Variants in SH3RF3 observed in about 807,000 individuals in gnomAD.
The protein encoded by SH3RF3 is E3 ubiquitin-protein ligase SH3RF3.
SH3RF3 carries 29 observed loss-of-function variants against 66.3 expected under a neutral mutation model. That is an observed-to-expected ratio of 0.44 (90% CI 0.33 to 0.60). SH3RF3 has a LOEUF of 0.60. Ranked by LOEUF, SH3RF3 falls within the 20% of genes least tolerant of loss-of-function variation. The probability of loss-of-function intolerance (pLI) is 0.04; values close to 1 mark genes in which losing one functional copy is unlikely to be tolerated. For synonymous variants in SH3RF3, 583 were observed against 532.0 expected, an observed-to-expected ratio of 1.10 and a Z score of -1.32; for missense variants, 1,194 against 1,190.9, an observed-to-expected ratio of 1.00 and a Z score of -0.04.
chr2:109,199,114 C>G, intron 1 of SH3RF3, among the ~76,000 whole-genome samples: 1 of 151,924 alleles, frequency 6.6e-6, no homozygotes, highest in Non-Finnish European at 1.5e-5. Context: ...AATCCCAGCA[C>G]TTTGGGAGGC....
intron 1 of SH3RF3, among the ~76,000 whole-genome samples, chr2:109,304,924 G>A (rs1301772971): frequency 3.9e-5 from 6 of 152,258 alleles, no homozygotes; most frequent in East Asian, 1.9e-4. Flanking sequence ...AAAACTGCTC[G>A]GTTGGGTTTC....
At chr2:109,497,447 A>T (rs1400502498) in intron 9 of SH3RF3, among the ~76,000 whole-genome samples, 1 of 152,194 alleles carries the variant, frequency 6.6e-6, no homozygotes, top group African/African-American at 2.4e-5. Flanking sequence ...ATGGAATGAG[A>T]ATTCATTCTG....
intron 2 of SH3RF3, among the ~76,000 whole-genome samples, chr2:109,369,795 T>A (rs1683226279): frequency 6.6e-6 from 1 of 152,118 alleles, no homozygotes; most frequent in African/African-American, 2.4e-5. Context: ...TACGGCCCCC[T>A]CCGCTCCCGG....
chr2:109,196,731 G>C (rs1269992285), intron 1 of SH3RF3, among the ~76,000 whole-genome samples: 2 of 152,158 alleles, frequency 1.3e-5, no homozygotes, highest in African/African-American at 4.8e-5. Flanking sequence ...GGAGGAGGGA[G>C]CTGCACCACA....
At position 109,348,051 on chromosome 2, in the gene SH3RF3, A is replaced by G. The variant is rs1486855774; in HGVS notation, c.849+102A>G. 3.9e-5 allele frequency: 56 copies of G among 1,439,316 alleles called. No homozygotes were observed. The Middle Eastern group carries it at 7.4e-4, about 19-fold the overall frequency. The allele number at this position is 1,439,316 out of a possible 1,614,324, so 89.2% of individuals were successfully genotyped here. ...CTATAGCCAGACAGTCTTTCTTCAG[A>G]GTCTGAATCCTGGCTCCTCCCGGAA... On this transcript the variant is annotated intron_variant, in intron 2 of 9. Transcript: ENST00000309415.
intron 1 of SH3RF3, among the ~76,000 whole-genome samples, chr2:109,166,686 G>A (rs1002136350): frequency 2.0e-5 from 3 of 152,196 alleles, no homozygotes; most frequent in Non-Finnish European, 4.4e-5. Context: ...ATAAAGACCT[G>A]AAGTTCTTTT....
At chr2:109,151,830 A>T (rs1161124895) in intron 1 of SH3RF3, among the ~76,000 whole-genome samples, 2 of 152,246 alleles carry the variant, frequency 1.3e-5, no homozygotes, top group Non-Finnish European at 2.9e-5. Context: ...ATTGTGGTTT[A>T]TAGGCAACAA....
At chr2:109,320,623 A>G (rs888563925) in intron 1 of SH3RF3, among the ~76,000 whole-genome samples, 36 of 152,384 alleles carry the variant, frequency 2.4e-4, no homozygotes, top group African/African-American at 7.7e-4. Flanking sequence ...CACCAAAATC[A>G]GTGCTGGATT....
intron 1 of SH3RF3, among the ~76,000 whole-genome samples, chr2:109,222,496 AAT>A (rs71895043): frequency 0.022 from 3,198 of 146,006 alleles, 128 homozygotes; most frequent in African/African-American, 0.081. Flanking sequence ...CCTCCAAAAA[AAT>A]AAAAAGAGTC....
chr2:109,157,439 AC>A (rs1380563919), intron 1 of SH3RF3, among the ~76,000 whole-genome samples: 1 of 152,236 alleles, frequency 6.6e-6, no homozygotes, highest in Non-Finnish European at 1.5e-5. Flanking sequence ...AATATAAATG[AC>A]ATTTTCAATC....
intron 8 of SH3RF3, among the ~76,000 whole-genome samples, chr2:109,466,867 GTA>G (rs1281535308): frequency 2.6e-5 from 4 of 152,042 alleles, no homozygotes; most frequent in Admixed American, 6.5e-5. Context: ...GTGCATGTGT[GTA>G]TATGTTTGTG....
rs1446903188 is a variant in SH3RF3 at position 109,334,355 on chromosome 2, CT to C, written c.574-13316del. Among the ~76,000 whole-genome samples the C allele has an allele frequency of 7.2e-4, 61 of 85,146 alleles. No individual in the cohort carries two copies. The East Asian group carries it at 0.012, about 17-fold the overall frequency. The allele number at this position is 85,146 out of a possible 152,430, so 55.9% of individuals were successfully genotyped here. A position where few individuals can be genotyped will look rare whatever the true frequency, so the allele number is the denominator to read the frequency against. ...ATTGGGTGACAGTTTTTTTTTTTTC[CT>C]TTAAAAAAAAAAAAAAAAAAATCTT... On this transcript the variant is annotated intron_variant, in intron 1 of 9. Transcript: ENST00000309415.
chr2:109,230,853 G>C (rs536742874), intron 1 of SH3RF3, among the ~76,000 whole-genome samples: 1 of 152,296 alleles, frequency 6.6e-6, no homozygotes, highest in Admixed American at 6.5e-5. Context: ...AAATCCCCTA[G>C]GAGTTCACTG....
At chr2:109,385,238 T>C in intron 3 of SH3RF3, among the ~76,000 whole-genome samples, 1 of 152,194 alleles carries the variant, frequency 6.6e-6, no homozygotes, top group East Asian at 1.9e-4. Flanking sequence ...CAAGGGTTCT[T>C]AGGAGGATTA....
At chr2:109,300,445 G>T (rs1212665131) in intron 1 of SH3RF3, among the ~76,000 whole-genome samples, 2 of 152,180 alleles carry the variant, frequency 1.3e-5, no homozygotes, top group African/African-American at 2.4e-5. Flanking sequence ...GTCCCAAAGT[G>T]CTGGGATTAT....
intron 1 of SH3RF3, among the ~76,000 whole-genome samples, chr2:109,162,808 A>G (rs1293872513): frequency 6.6e-6 from 1 of 152,246 alleles, no homozygotes; most frequent in South Asian, 2.1e-4. Flanking sequence ...CCTTTTAACA[A>G]TGAGAATAAT....
intron 1 of SH3RF3, among the ~76,000 whole-genome samples, chr2:109,136,697 C>T (rs532393375): frequency 6.6e-6 from 1 of 152,208 alleles, no homozygotes; most frequent in East Asian, 1.9e-4. Context: ...CTGATGCAAA[C>T]GAAGATATGA....
intron 1 of SH3RF3, among the ~76,000 whole-genome samples, chr2:109,256,042 C>G (rs1394097859): frequency 6.6e-6 from 1 of 152,128 alleles, no homozygotes; most frequent in Non-Finnish European, 1.5e-5. Context: ...TCCTCTTTTT[C>G]CTCCTCACAA....
intron 1 of SH3RF3, among the ~76,000 whole-genome samples, chr2:109,197,834 C>G (rs544525334): frequency 1.5e-3 from 229 of 152,316 alleles, no homozygotes; most frequent in African/African-American, 5.3e-3. Flanking sequence ...GGGAGGAACT[C>G]CAGGAGAAAG....
Sources: allele counts gnomAD v4.1 joint callset (sites outside exome capture counted in the v4.1 genomes callset), GRCh38; gene constraint gnomAD v4.1.1; transcripts MANE v1.5; gene names NCBI Gene and HGNC (gene_info 2026-07-23, HGNC 2026-07-21).